The following CARNMT1 variants were observed in gnomAD, a reference collection of about 807,000 sequenced individuals.
CARNMT1 encodes protein-L-histidine N-pros-methyltransferase CARNMT1.
Under a neutral mutation model 49.6 loss-of-function variants are expected in CARNMT1, and 28 were observed. The ratio of observed to expected loss-of-function variants is 0.56; its 90% confidence interval spans 0.42 to 0.77. The LOEUF is 0.77. Among genes scored for constraint, CARNMT1 ranks in the 30% least tolerant of loss-of-function variants. The probability of loss-of-function intolerance (pLI) is 0.00; values close to 1 mark genes in which losing one functional copy is unlikely to be tolerated. For synonymous variants in CARNMT1, 178 were observed against 175.0 expected, an observed-to-expected ratio of 1.02 and a Z score of -0.13; for missense variants, 421 against 512.6, an observed-to-expected ratio of 0.82 and a Z score of 1.73.
chr9:74,985,034 T>C, intron 6 of CARNMT1, 24 bp from the exon 7 acceptor site: 1 of 1,515,282 alleles, frequency 6.6e-7, no homozygotes, highest in Non-Finnish European at 9.2e-7. Context: ...ATACTATGAA[T>C]TACTTGAATA....
intron 1 of CARNMT1, among the ~76,000 whole-genome samples, chr9:75,018,968 T>TAA (rs35324700): frequency 3.8e-4 from 28 of 74,498 alleles, no homozygotes; most frequent in African/African-American, 6.5e-4. Flanking sequence ...CTCCATCTCA[T>TAA]AAAAAAAAAA....
At chr9:74,997,622 C>G (rs1207382777) in intron 5 of CARNMT1, among the ~76,000 whole-genome samples, 1 of 152,030 alleles carries the variant, frequency 6.6e-6, no homozygotes, top group Non-Finnish European at 1.5e-5. Flanking sequence ...CAAAATTTTG[C>G]CTTCAAATAT....
At chr9:75,020,456 C>T (rs535279477) in intron 1 of CARNMT1, among the ~76,000 whole-genome samples, 1 of 151,656 alleles carries the variant, frequency 6.6e-6, no homozygotes, top group Non-Finnish European at 1.5e-5. Flanking sequence ...TTAGTAGAGA[C>T]GGGGTTTCAC....
rs1436337894 is a variant in CARNMT1, at chr9:75,005,536, A to C, written c.591-5666T>G. On this transcript the variant is annotated intron_variant, in intron 3 of 7. Coordinates refer to ENST00000376834, the MANE Select transcript of CARNMT1 (RefSeq NM_152420.3). ...CACCCAGGCTGGAGTGCAGTGGCGC[A>C]ATCTCGGCTCACTGCAAGCTCCGCC... 3.3e-5 allele frequency among the ~76,000 whole-genome samples: 5 copies of C among 150,026 alleles called. No homozygotes were observed. The South Asian group carries it at 1.1e-3, about 32-fold the overall frequency.
At chr9:75,018,576 A>G (rs1833915910) in intron 1 of CARNMT1, among the ~76,000 whole-genome samples, 1 of 152,198 alleles carries the variant, frequency 6.6e-6, no homozygotes, top group African/African-American at 2.4e-5. Flanking sequence ...AGTACAACTT[A>G]GCATGGTACT....
chr9:74,995,336 G>A (rs1008155469), intron 6 of CARNMT1, among the ~76,000 whole-genome samples: 2 of 152,070 alleles, frequency 1.3e-5, no homozygotes, highest in Non-Finnish European at 2.9e-5. Context: ...TCAATATAGG[G>A]CTGCTTTGAG....
chr9:74,990,106 T>C (rs1243946729), intron 6 of CARNMT1, among the ~76,000 whole-genome samples: 1 of 152,188 alleles, frequency 6.6e-6, no homozygotes, highest in Non-Finnish European at 1.5e-5. Flanking sequence ...TTACATATTT[T>C]AATGCTAAAC....
At chr9:75,022,658 C>T (rs1822406381) in intron 1 of CARNMT1, among the ~76,000 whole-genome samples, 1 of 152,156 alleles carries the variant, frequency 6.6e-6, no homozygotes, top group South Asian at 2.1e-4. Flanking sequence ...AGCAGAGCTT[C>T]AACAGTTGAA....
At chr9:75,010,489 G>C (rs1278350556) in intron 3 of CARNMT1, among the ~76,000 whole-genome samples, 2 of 152,072 alleles carry the variant, frequency 1.3e-5, no homozygotes, top group Non-Finnish European at 2.9e-5. Flanking sequence ...GTTGAAGTTA[G>C]GTTAACAGAA....
intron 3 of CARNMT1, among the ~76,000 whole-genome samples, chr9:75,001,070 A>G (rs1474433762): frequency 2.0e-5 from 3 of 151,972 alleles, no homozygotes; most frequent in Non-Finnish European, 4.4e-5. Context: ...CCATCTGTCC[A>G]ATCATAACAT....
chr9:74,984,352 G>A (rs1244808875), intron 7 of CARNMT1, among the ~76,000 whole-genome samples: 1 of 152,128 alleles, frequency 6.6e-6, no homozygotes, highest in East Asian at 1.9e-4. Flanking sequence ...GAGTCTGTAA[G>A]ATCAGTATTA....
chr9:75,016,535 A>G, intron 2 of CARNMT1, 104 bp from the exon 3 acceptor site: 9 of 1,043,452 alleles, frequency 8.6e-6, no homozygotes, highest in Non-Finnish European at 1.3e-5. Flanking sequence ...TTTAGTGGAT[A>G]AATCACTAGC....
At position 74,981,648 on chromosome 9, in the gene CARNMT1, T is replaced by C. The variant is rs549471882; in HGVS notation, c.*2119A>G. On this transcript the variant is annotated 3_prime_UTR_variant, in exon 8 of 8. Transcript: ENST00000376834. The stretch of plus-strand genomic sequence containing the variant: ...ATTAACTAAAACATATGCTATAATT[T>C]AGAAATTTAACATTATTAAAGAAAA... 6.6e-6 allele frequency: 1 copy of C among 152,160 alleles called. No homozygotes were observed. Among genetic ancestry groups the C allele is most frequent in the African/African-American group, 2.4e-5 (1 of 41,556 alleles). 9.4% of individuals were successfully genotyped at this position (152,160 alleles called of 1,614,324 possible).
intron 1 of CARNMT1, among the ~76,000 whole-genome samples, chr9:75,020,002 T>C (rs563673535): frequency 1.5e-4 from 23 of 152,278 alleles, no homozygotes; most frequent in African/African-American, 4.6e-4. Context: ...TTGCATTTCA[T>C]AGAAAACTAA....
intron 5 of CARNMT1, 110 bp downstream of exon 5, chr9:74,998,488 C>G: frequency 1.2e-6 from 1 of 857,488 alleles, no homozygotes; most frequent in Non-Finnish European, 1.7e-6. Flanking sequence ...TGACATATGC[C>G]TTATGTTCTA....
intron 6 of CARNMT1, among the ~76,000 whole-genome samples, chr9:74,992,927 T>C (rs1379323215): frequency 6.6e-6 from 1 of 152,212 alleles, no homozygotes; most frequent in South Asian, 2.1e-4. Flanking sequence ...CAGGGTAAAT[T>C]AAGCCTCCAG....
chr9:75,007,655 G>A (rs1328073487), intron 3 of CARNMT1, among the ~76,000 whole-genome samples: 2 of 149,512 alleles, frequency 1.3e-5, no homozygotes, highest in African/African-American at 4.9e-5. Flanking sequence ...CTTGAACCGA[G>A]GAGGCAGAGG....
chr9:75,007,672 A>C (rs1026799559), intron 3 of CARNMT1, among the ~76,000 whole-genome samples: 10 of 148,576 alleles, frequency 6.7e-5, no homozygotes, highest in African/African-American at 2.5e-4. Context: ...GAGGTTGCAG[A>C]GAGCCAAGAT....
chr9:75,016,909 C>A (rs887170222), intron 2 of CARNMT1: 1 of 360,590 alleles, frequency 2.8e-6, no homozygotes. Context: ...GCAATAGATA[C>A]AAGACACTGA....
Sources: allele counts gnomAD v4.1 joint callset (sites outside exome capture counted in the v4.1 genomes callset), GRCh38; gene constraint gnomAD v4.1.1; transcripts MANE v1.5; gene names NCBI Gene and HGNC (gene_info 2026-07-23, HGNC 2026-07-21).